Variants in COLEC12 observed in about 807,000 individuals in gnomAD.
COLEC12 encodes the protein collectin subfamily member 12.
In COLEC12, 33 loss-of-function variants were observed where a neutral mutation model predicts 71.1. That is an observed-to-expected ratio of 0.46 (90% confidence interval 0.35 to 0.62). The LOEUF (loss-of-function observed/expected upper bound fraction) is 0.62, where lower values mean the gene tolerates loss of function less well. Ranked by LOEUF, COLEC12 falls within the 20% of genes least tolerant of loss-of-function variation. The pLI, the probability that COLEC12 is intolerant of heterozygous loss-of-function variation, is 0.00. For missense variants in COLEC12, 765 were observed against 916.1 expected (o/e 0.84, Z 2.13); for synonymous variants, 350 against 353.0 (o/e 0.99, Z 0.10).
intron 2 of COLEC12, among the ~76,000 whole-genome samples, chr18:441,850 A>T (rs375375971): frequency 6.6e-6 from 1 of 151,922 alleles, no homozygotes; most frequent in East Asian, 1.9e-4. Flanking sequence ...AATACAAAAA[A>T]TTAGCCAGGT....
intron 2 of COLEC12, among the ~76,000 whole-genome samples, chr18:415,163 A>G (rs903190000): frequency 6.6e-6 from 1 of 152,222 alleles, no homozygotes; most frequent in Non-Finnish European, 1.5e-5. Flanking sequence ...GTTTACTAAC[A>G]TTATTTCATT....
chr18:425,898 G>A (rs1159930960), intron 2 of COLEC12, among the ~76,000 whole-genome samples: 6 of 152,108 alleles, frequency 3.9e-5, no homozygotes, highest in African/African-American at 1.4e-4. Context: ...AAGCTAAGCC[G>A]AGAGCCATAA....
At chr18:330,255 G>C (rs1055622841) in intron 8 of COLEC12, among the ~76,000 whole-genome samples, 1 of 152,146 alleles carries the variant, frequency 6.6e-6, no homozygotes, top group Admixed American at 6.5e-5. Flanking sequence ...CATCACCTCT[G>C]ACCCTCCTCC....
At chr18:465,628 G>T (rs543142949) in intron 2 of COLEC12, among the ~76,000 whole-genome samples, 1 of 152,270 alleles carries the variant, frequency 6.6e-6, no homozygotes, top group African/African-American at 2.4e-5. Context: ...GTGACTATTA[G>T]TAACCATCAT....
intron 2 of COLEC12, among the ~76,000 whole-genome samples, chr18:359,901 A>G (rs1914707223): frequency 6.6e-6 from 1 of 152,224 alleles, no homozygotes. Flanking sequence ...GCCCTTCTTC[A>G]GTGAAAAGAG....
intron 1 of COLEC12, among the ~76,000 whole-genome samples, chr18:491,867 T>C (rs1293082930): frequency 6.6e-6 from 1 of 152,226 alleles, no homozygotes; most frequent in Non-Finnish European, 1.5e-5. Flanking sequence ...CGGTAATATT[T>C]GCCCTGGTTT....
chr18:485,060 C>T lies in COLEC12; in HGVS notation c.8-4303G>A, dbSNP rs377162665. On this transcript the variant is annotated intron_variant, in intron 1 of 9. Coordinates refer to ENST00000400256, the MANE Select transcript of COLEC12 (RefSeq NM_130386.3). Reference sequence around the variant, plus strand: ...GAGGGCAGAAGGCTATGCTAGGGCCCACAAGGGCTGACAGGCAGGTTTTCA... The same window carrying T: ...GAGGGCAGAAGGCTATGCTAGGGCCTACAAGGGCTGACAGGCAGGTTTTCA... Among the ~76,000 whole-genome samples, 10 of 152,324 alleles carry T rather than the reference C, an allele frequency of 6.6e-5. No individual in the cohort carries two copies. In the South Asian group the frequency reaches 2.1e-3, roughly 32 times the overall value.
At chr18:320,405 TG>T (rs1913674992) in intron 9 of COLEC12, among the ~76,000 whole-genome samples, 2 of 152,194 alleles carry the variant, frequency 1.3e-5, no homozygotes, top group African/African-American at 4.8e-5. Context: ...CCCCCTCAAC[TG>T]ACCCAGCTGT....
chr18:341,102 C>G (rs1914242397), intron 5 of COLEC12, among the ~76,000 whole-genome samples: 2 of 152,200 alleles, frequency 1.3e-5, no homozygotes, highest in Admixed American at 1.3e-4. Context: ...TTCATGTGCA[C>G]CTTTCAAGTT....
chr18:367,688 T>A (rs1598340631), intron 2 of COLEC12, among the ~76,000 whole-genome samples: 1 of 152,176 alleles, frequency 6.6e-6, no homozygotes, highest in Non-Finnish European at 1.5e-5. Flanking sequence ...AGGAGGGAAC[T>A]GGGAGGGACC....
intron 2 of COLEC12, among the ~76,000 whole-genome samples, chr18:469,562 C>G (rs1225146637): frequency 4.6e-5 from 7 of 152,160 alleles, no homozygotes; most frequent in Admixed American, 1.3e-4. Flanking sequence ...CAACAAGCCT[C>G]ATGAGGTGCA....
chr18:362,697 C>T lies in COLEC12; in HGVS notation c.59-5175G>A, dbSNP rs115045344. Among the ~76,000 whole-genome samples the T allele has an allele frequency of 6.6e-6, 1 of 152,050 alleles. No individual in the cohort carries two copies. The highest frequency in any genetic ancestry group is 1.5e-5 in the Non-Finnish European group (1 of 68,012). The stretch of plus-strand genomic sequence containing the variant: ...TGCCCCTCACCATTAAGAGATCCAG[C>T]GTGCCAAAGAACCTGGCGCCAATAG... On this transcript the variant is annotated intron_variant, in intron 2 of 9. Transcript: ENST00000400256. The surrounding 1 kb of genome is among the most constrained non-coding windows in gnomAD (Gnocchi z 4.6).
At chr18:372,262 A>G (rs573395891) in intron 2 of COLEC12, among the ~76,000 whole-genome samples, 37 of 152,298 alleles carry the variant, frequency 2.4e-4, no homozygotes, top group African/African-American at 8.9e-4. Flanking sequence ...ATTAATTTTT[A>G]TTGTATTGTC....
In COLEC12 at chr18:335,059, C is replaced by T. The variant is rs1323619834; in HGVS notation, c.1499G>A (p.Gly500Glu). Reference protein sequence around the residue: ...AGPPGERGGKGSKGSQGPKGS... With the variant: ...AGPPGERGGKESKGSQGPKGS... ...TTTGGGGCCCTGGGAGCCTTTAGAT[C>T]CTTTGCCGCCACGCTCTCCGGGGGG... The change falls in exon 6 of 10, where the codon GGA (glycine) becomes GAA (glutamate). Residue 500 changes from glycine (G) to glutamate (E), a missense_variant. Physicochemically the swap from Gly to Glu is moderately conservative, Grantham distance 98 (BLOSUM62 -2). Coordinates refer to ENST00000400256, the MANE Select transcript of COLEC12 (RefSeq NM_130386.3). 2 of 1,608,362 alleles carry T rather than the reference C, an allele frequency of 1.2e-6. No individual in the cohort carries two copies. Among genetic ancestry groups the T allele is most frequent in the Non-Finnish European group, 1.7e-6 (2 of 1,178,242 alleles).
At chr18:448,633 G>A (rs1255750711) in intron 2 of COLEC12, among the ~76,000 whole-genome samples, 1 of 152,158 alleles carries the variant, frequency 6.6e-6, no homozygotes, top group Non-Finnish European at 1.5e-5. Flanking sequence ...GTAACTGCTG[G>A]TGGACTTTGA....
intron 2 of COLEC12, among the ~76,000 whole-genome samples, chr18:454,141 C>A (rs1330780137): frequency 7.2e-6 from 1 of 139,664 alleles, no homozygotes; most frequent in Non-Finnish European, 1.6e-5. Flanking sequence ...GCCCCCTGGT[C>A]TCAACATATT....
chr18:436,267 T>C (rs1201075842), intron 2 of COLEC12, among the ~76,000 whole-genome samples: 3 of 152,132 alleles, frequency 2.0e-5, no homozygotes, highest in Non-Finnish European at 4.4e-5. Context: ...TCCCAACACT[T>C]TGGAAGGCCA....
chr18:338,225 T>C (rs1432869635), intron 5 of COLEC12, among the ~76,000 whole-genome samples: 1 of 152,228 alleles, frequency 6.6e-6, no homozygotes, highest in Non-Finnish European at 1.5e-5. Flanking sequence ...TTTCTCTTCT[T>C]CTCTAATCTT....
chr18:485,820 C>T (rs1917508814), intron 1 of COLEC12, among the ~76,000 whole-genome samples: 1 of 152,248 alleles, frequency 6.6e-6, no homozygotes, highest in Admixed American at 6.5e-5. Context: ...ATTTACCTCT[C>T]ATTCTTGTAT....
Sources: allele counts gnomAD v4.1 joint callset (sites outside exome capture counted in the v4.1 genomes callset), GRCh38; gene constraint gnomAD v4.1.1; non-coding constraint Gnocchi (gnomAD v3.1); transcripts MANE v1.5; gene names NCBI Gene and HGNC (gene_info 2026-07-23, HGNC 2026-07-21).